Variants in ITPKB observed in about 807,000 individuals in gnomAD.
ITPKB encodes the protein IP3 3-kinase B.
Under a neutral mutation model 69.4 loss-of-function variants are expected in ITPKB, and 13 were observed. The observed-to-expected ratio is 0.19, with a 90% confidence interval of 0.12 to 0.30. The LOEUF is 0.30. Ranked by LOEUF, ITPKB falls within the 10% of genes least tolerant of loss-of-function variation. The pLI, the probability that ITPKB is intolerant of heterozygous loss-of-function variation, is 1.00. For synonymous variants in ITPKB, 584 were observed against 513.7 expected (o/e 1.14, Z -1.85); for missense variants, 1,240 against 1,250.5 (o/e 0.99, Z 0.13).
chr1:226,700,488 A>C (rs1215565025), intron 2 of ITPKB, among the ~76,000 whole-genome samples: 4 of 151,070 alleles, frequency 2.6e-5, no homozygotes, highest in East Asian at 3.9e-4. Context: ...AAAAAAAAAA[A>C]AAAAAAAACC....
chr1:226,704,777 C>T (rs1253033498), intron 2 of ITPKB, among the ~76,000 whole-genome samples: 3 of 152,192 alleles, frequency 2.0e-5, no homozygotes, highest in African/African-American at 4.8e-5. Flanking sequence ...TTATCTCTAC[C>T]GATGACATGA....
Position 226,641,796 on chromosome 1 carries a change from G to T in ITPKB, c.2451+125C>A. On this transcript the variant is annotated intron_variant, in intron 5 of 7. Transcript: ENST00000429204. This position sits in a 1 kb window ranked among gnomAD's most constrained non-coding sequence, Gnocchi z 4.6. Reference sequence around the variant, plus strand: ...GTCTCCAAATGTCTGGCCTTGGGGCGGGCCACCCACATTCTGAGCCTGTGC... The same window carrying T: ...GTCTCCAAATGTCTGGCCTTGGGGCTGGCCACCCACATTCTGAGCCTGTGC... 1.1e-6 allele frequency: 1 copy of T among 870,526 alleles called. No homozygotes were observed. The highest frequency in any genetic ancestry group is 1.8e-6 in the Non-Finnish European group (1 of 560,810). The allele number at this position is 870,526 out of a possible 1,614,324, so 53.9% of individuals were successfully genotyped here. A position where few individuals can be genotyped will look rare whatever the true frequency, so the allele number is the denominator to read the frequency against.
intron 2 of ITPKB, among the ~76,000 whole-genome samples, chr1:226,727,981 G>A (rs1314984311): frequency 6.6e-6 from 1 of 152,076 alleles, no homozygotes; most frequent in Non-Finnish European, 1.5e-5. Context: ...TAGATTAACA[G>A]GATAGCAGTG....
In ITPKB at chr1:226,737,430, C is replaced by A. The variant is rs1657829178; in HGVS notation, c.29G>T (p.Ser10Ile). 1 of 1,611,406 alleles carries A rather than the reference C, an allele frequency of 6.2e-7. No homozygotes were observed. Among genetic ancestry groups the A allele is most frequent in the African/African-American group, 1.3e-5 (1 of 74,956 alleles). Reference protein sequence around the residue: MAVYCYALNSLVIMNSANEM... With the variant: MAVYCYALNILVIMNSANEM... Reference sequence around the variant, plus strand: ...GTTGGCGCTATTCATGATCACCAGGCTATTGAGCGCATAGCAGTACACAGC... The same window carrying A: ...GTTGGCGCTATTCATGATCACCAGGATATTGAGCGCATAGCAGTACACAGC... The change falls in exon 2 of 8, where the codon AGC (serine) becomes ATC (isoleucine). Residue 10 changes from serine (S) to isoleucine (I), a missense_variant. Physicochemically the swap from Ser to Ile is moderately radical, Grantham distance 142. Around this residue, in one of 2 missense-constraint regions of ITPKB, gnomAD observed 992 missense variants for 853.8 expected, o/e 1.16. Transcript: ENST00000429204.
intron 2 of ITPKB, chr1:226,656,899 C>T (rs1392213004): frequency 1.3e-5 from 2 of 152,382 alleles, no homozygotes; most frequent in Non-Finnish European, 2.9e-5. Context: ...TAGACTGTCA[C>T]AGACAGGCAA....
Position 226,736,350 on chromosome 1 carries a change from C to T in ITPKB, c.1109G>A (p.Gly370Glu), listed in dbSNP as rs750565607. 6.2e-7 allele frequency: 1 copy of T among 1,612,580 alleles called. No homozygotes were observed. The highest frequency in any genetic ancestry group is 1.1e-5 in the South Asian group (1 of 91,036). Reference sequence around the variant, plus strand: ...GGGCAGATATCCTTTCCCCATCTTCCCAGGGGGTTCTCCATCGCGGGGCCC... The same window carrying T: ...GGGCAGATATCCTTTCCCCATCTTCTCAGGGGGTTCTCCATCGCGGGGCCC... ...RGGPRDGEPPGKMGKGYLPCG... is the reference protein window; with the variant it reads ...RGGPRDGEPPEKMGKGYLPCG... Residue 370 changes from glycine (G) to glutamate (E), a missense_variant, in exon 2 of 8, where the codon GGG becomes GAG. By Grantham distance (98) the Gly-to-Glu change is moderately conservative. Around this residue, in one of 2 missense-constraint regions of ITPKB, gnomAD observed 992 missense variants for 853.8 expected, o/e 1.16. Transcript: ENST00000429204.
At chr1:226,737,706 G>A in intron 1 of ITPKB, 43 bp from the exon 2 acceptor site, 1 of 639,374 alleles carries the variant, frequency 1.6e-6, no homozygotes, top group Non-Finnish European at 2.0e-6. Context: ...TGGAGGGCGC[G>A]CGGGGGGAGT....
rs184925573 is a variant in ITPKB, at chr1:226,649,511, G to A, written c.1933-740C>T. On this transcript the variant is annotated intron_variant, in intron 2 of 7. Transcript: ENST00000429204. ...GCATCAGTGTGTGCATGCGTGATAT[G>A]TGCATGTGTGTGATGTGTGCATGTG... 2.6e-3 allele frequency among the ~76,000 whole-genome samples: 390 copies of A among 149,066 alleles called. 3 individuals carry two copies. Among genetic ancestry groups the A allele is most frequent in the African/African-American group, 9.0e-3 (364 of 40,256 alleles).
intron 2 of ITPKB, chr1:226,669,011 G>C (rs1006766129): frequency 3.3e-5 from 5 of 151,980 alleles, no homozygotes; most frequent in African/African-American, 1.2e-4. Context: ...TTCAATAATA[G>C]AAATGTTTAA....
At chr1:226,694,653 G>C (rs147257614) in intron 2 of ITPKB, among the ~76,000 whole-genome samples, 7 of 152,350 alleles carry the variant, frequency 4.6e-5, no homozygotes, top group African/African-American at 1.7e-4. Flanking sequence ...TCAGCAATAT[G>C]AACATTTTGA....
chr1:226,661,039 G>C (rs540684063), intron 2 of ITPKB, among the ~76,000 whole-genome samples: 1 of 152,356 alleles, frequency 6.6e-6, no homozygotes, highest in African/African-American at 2.4e-5. Flanking sequence ...TTCACTGATC[G>C]GCAGACAATT....
intron 2 of ITPKB, among the ~76,000 whole-genome samples, chr1:226,659,378 G>A (rs1037359344): frequency 7.2e-5 from 11 of 151,970 alleles, no homozygotes; most frequent in East Asian, 5.9e-4. Flanking sequence ...GGGTCCCTCC[G>A]GGATACAGAG....
intron 2 of ITPKB, among the ~76,000 whole-genome samples, chr1:226,684,645 C>T (rs901698436): frequency 6.6e-6 from 1 of 152,240 alleles, no homozygotes; most frequent in Non-Finnish European, 1.5e-5. Context: ...GAAAGGTCAG[C>T]TACCGAAATG....
intron 2 of ITPKB, among the ~76,000 whole-genome samples, chr1:226,698,852 C>T (rs1240838391): frequency 6.6e-6 from 1 of 152,234 alleles, no homozygotes; most frequent in African/African-American, 2.4e-5. Context: ...CTGGTCATAT[C>T]TCAGGCTGGT....
chr1:226,713,855 A>G (rs1366090080), intron 2 of ITPKB, among the ~76,000 whole-genome samples: 2 of 152,162 alleles, frequency 1.3e-5, no homozygotes, highest in Admixed American at 1.3e-4. Flanking sequence ...CATCCAGGCT[A>G]TATTGACTTC....
At chr1:226,687,285 A>G (rs1200678540) in intron 2 of ITPKB, among the ~76,000 whole-genome samples, 2 of 152,236 alleles carry the variant, frequency 1.3e-5, no homozygotes, top group African/African-American at 2.4e-5. Context: ...TAAGTTATTC[A>G]TAAGAGAGCT....
chr1:226,692,596 A>G (rs778093328), intron 2 of ITPKB, among the ~76,000 whole-genome samples: 2 of 152,146 alleles, frequency 1.3e-5, no homozygotes, highest in Admixed American at 6.5e-5. Context: ...TGGGCTCCAA[A>G]GCCTCTGTCT....
chr1:226,704,071 A>G (rs1307177206), intron 2 of ITPKB, among the ~76,000 whole-genome samples: 1 of 152,202 alleles, frequency 6.6e-6, no homozygotes, highest in Admixed American at 6.5e-5. Flanking sequence ...TTATTTTCCT[A>G]GATCTCAAAC....
chr1:226,649,397 TGTGTGTGC>T (rs1017929202), intron 2 of ITPKB, among the ~76,000 whole-genome samples: 7 of 139,588 alleles, frequency 5.0e-5, no homozygotes, highest in Admixed American at 3.8e-4. Context: ...TGTGCATGAG[TGTGTGTGC>T]ATGTGTGATA....
Sources: allele counts gnomAD v4.1 joint callset (sites outside exome capture counted in the v4.1 genomes callset), GRCh38; gene constraint gnomAD v4.1.1; regional missense constraint gnomAD v4.1.1; non-coding constraint Gnocchi (gnomAD v3.1); transcripts MANE v1.5; gene names NCBI Gene and HGNC (gene_info 2026-07-23, HGNC 2026-07-21).